TENM2: variants seen among roughly 807,000 people sequenced by gnomAD.
TENM2 encodes teneurin transmembrane protein 2.
Under a neutral mutation model 245.2 loss-of-function variants are expected in TENM2, and 52 were observed. The ratio of observed to expected loss-of-function variants is 0.21; its 90% CI spans 0.17 to 0.27. TENM2 has a LOEUF of 0.27. Ranked by LOEUF, TENM2 falls within the 10% of genes least tolerant of loss-of-function variation. The probability of loss-of-function intolerance (pLI) is 1.00; values close to 1 mark genes in which losing one functional copy is unlikely to be tolerated. For synonymous variants in TENM2, 1,363 were observed against 1,438.9 expected, an observed-to-expected ratio of 0.95 and a Z score of 1.19; for missense variants, 3,046 against 3,666.8, an observed-to-expected ratio of 0.83 and a Z score of 4.37.
the TENM2 span, among the ~76,000 whole-genome samples, chr5:167,044,416 T>G: frequency 6.6e-6 from 1 of 152,186 alleles, no homozygotes; most frequent in South Asian, 2.1e-4. Context: ...TAAGTGTAGG[T>G]TACAGCATGC....
intron 12 of TENM2, among the ~76,000 whole-genome samples, chr5:168,161,686 C>T (rs1757751363): frequency 6.6e-6 from 1 of 152,050 alleles, no homozygotes; most frequent in African/African-American, 2.4e-5. Context: ...CTCCTTTCTC[C>T]ACTTTTCTCC....
exon 2 of TENM2, chr5:167,375,219 A>T: frequency 1.3e-6 from 2 of 1,551,644 alleles, no homozygotes; most frequent in Non-Finnish European, 1.7e-6. Flanking sequence ...ACCCTTGCCG[A>T]ACTGGGCATC....
intron 2 of TENM2, chr5:167,574,053 G>A (rs899970608): frequency 6.6e-6 from 1 of 152,146 alleles, no homozygotes; most frequent in Non-Finnish European, 1.5e-5. Context: ...GGGTTTGACC[G>A]AGTGGCTTAG....
chr5:167,051,853 C>A, the TENM2 span, among the ~76,000 whole-genome samples: 1 of 152,124 alleles, frequency 6.6e-6, no homozygotes, highest in Non-Finnish European at 1.5e-5. Flanking sequence ...CATATTTGCC[C>A]ATGTCCCTTT....
intron 20 of TENM2, among the ~76,000 whole-genome samples, chr5:168,213,352 C>T (rs1762931398): frequency 6.6e-6 from 1 of 152,118 alleles, no homozygotes; most frequent in South Asian, 2.1e-4. Flanking sequence ...CTAAAAATAG[C>T]TTCCTAGTTC....
chr5:167,336,640 T>C (rs951301474), intron 1 of TENM2, among the ~76,000 whole-genome samples: 4 of 152,022 alleles, frequency 2.6e-5, no homozygotes, highest in Admixed American at 2.6e-4. Flanking sequence ...AATGCCAGCA[T>C]ATCAAAACTC....
the TENM2 span, among the ~76,000 whole-genome samples, chr5:167,276,912 G>T: frequency 6.6e-6 from 1 of 152,214 alleles, no homozygotes; most frequent in South Asian, 2.1e-4. Flanking sequence ...TGGTGGGCCA[G>T]CTATATTCTC....
chr5:167,453,105 G>T (rs1397911420), intron 2 of TENM2, among the ~76,000 whole-genome samples: 2 of 151,202 alleles, frequency 1.3e-5, no homozygotes, highest in African/African-American at 4.9e-5. Context: ...GAAAAGTGGG[G>T]TGAGAAATAG....
At chr5:167,587,353 A>G (rs1775578795) in intron 2 of TENM2, among the ~76,000 whole-genome samples, 1 of 152,208 alleles carries the variant, frequency 6.6e-6, no homozygotes, top group Admixed American at 6.5e-5. Context: ...ATAAGGTAGT[A>G]TGTCCGCTTG....
chr5:167,971,867 A>G (rs541869101), intron 4 of TENM2, among the ~76,000 whole-genome samples: 2 of 152,240 alleles, frequency 1.3e-5, no homozygotes, highest in Non-Finnish European at 2.9e-5. Context: ...ATTTTTACAG[A>G]CAAGGAGAGT....
chr5:167,880,434 A>G (rs1002905996), intron 3 of TENM2, among the ~76,000 whole-genome samples: 5 of 152,260 alleles, frequency 3.3e-5, no homozygotes, highest in Non-Finnish European at 5.9e-5. Flanking sequence ...TCAAATGTAT[A>G]AAGTCCTATT....
At chr5:167,701,166 G>A (rs1339182627) in intron 2 of TENM2, among the ~76,000 whole-genome samples, 1 of 152,062 alleles carries the variant, frequency 6.6e-6, no homozygotes, top group Non-Finnish European at 1.5e-5. Context: ...TGAGGTCTAT[G>A]GAAAATGTAA....
chr5:167,376,005 G>T (rs998091460), intron 2 of TENM2, among the ~76,000 whole-genome samples: 13 of 152,244 alleles, frequency 8.5e-5, no homozygotes, highest in African/African-American at 3.1e-4. Flanking sequence ...TTCAGAAAAA[G>T]AATTCTTTAT....
At chr5:167,964,994 G>A (rs1781285694) in intron 4 of TENM2, among the ~76,000 whole-genome samples, 1 of 152,086 alleles carries the variant, frequency 6.6e-6, no homozygotes, top group African/African-American at 2.4e-5. Context: ...CAGTTAGAGT[G>A]GAAAGTATGC....
intron 3 of TENM2, among the ~76,000 whole-genome samples, chr5:167,939,274 C>T (rs1194686373): frequency 1.3e-5 from 2 of 152,152 alleles, no homozygotes; most frequent in African/African-American, 4.8e-5. Context: ...AAGGAGCGTG[C>T]AACCTAGAAC....
At chr5:167,871,502 A>G (rs1772824141) in intron 2 of TENM2, among the ~76,000 whole-genome samples, 1 of 152,214 alleles carries the variant, frequency 6.6e-6, no homozygotes, top group Non-Finnish European at 1.5e-5. Context: ...ATTAGTCCCC[A>G]TATTTAAGGT....
At chr5:167,595,856 C>T (rs962372999) in intron 2 of TENM2, among the ~76,000 whole-genome samples, 1 of 152,060 alleles carries the variant, frequency 6.6e-6, no homozygotes, top group Non-Finnish European at 1.5e-5. Flanking sequence ...ACCGTGTTTC[C>T]CTTCCCTCTC....
At position 168,100,032 on chromosome 5, in the gene TENM2, A is replaced by G. The variant is rs563845572; in HGVS notation, c.1813+1905A>G. Reference sequence around the variant, plus strand: ...TCATGATTTGGCTCTCTGTTTGTCTATTGTTGGTATATAGGAATGCTTGTG... The same window carrying G: ...TCATGATTTGGCTCTCTGTTTGTCTGTTGTTGGTATATAGGAATGCTTGTG... On this transcript the variant is annotated intron_variant, in intron 9 of 28. Transcript: ENST00000518659. 1.2e-4 allele frequency among the ~76,000 whole-genome samples: 18 copies of G among 152,200 alleles called. 1 individual carries two copies. The highest frequency in any genetic ancestry group is 2.4e-4 in the African/African-American group (10 of 41,524).
the TENM2 span, among the ~76,000 whole-genome samples, chr5:167,112,880 G>A: frequency 6.6e-6 from 1 of 152,162 alleles, no homozygotes; most frequent in Non-Finnish European, 1.5e-5. Flanking sequence ...GGGCCAAATA[G>A]ATAGAACATC....
Sources: gnomAD v4.1 joint callset for allele counts (sites outside exome capture counted in the v4.1 genomes callset) on GRCh38, gnomAD v4.1.1 for gene constraint, MANE v1.5 for transcripts, NCBI Gene and HGNC (gene_info 2026-07-23, HGNC 2026-07-21) for gene names.